The following PLEKHG1 variants were observed in gnomAD, a reference collection of about 807,000 sequenced individuals.
PLEKHG1 encodes pleckstrin homology and RhoGEF domain containing G1, also known as pleckstrin homology domain-containing family G member 1.
In PLEKHG1, 44 loss-of-function variants were observed where a neutral mutation model predicts 100.8. That is an observed-to-expected ratio of 0.44 (90% CI 0.34 to 0.56). The LOEUF (loss-of-function observed/expected upper bound fraction) is 0.56. PLEKHG1 is among the 20% of genes least tolerant of loss of function. The pLI, the probability that PLEKHG1 is intolerant of heterozygous loss-of-function variation, is 0.01. For missense variants in PLEKHG1, 1,545 were observed against 1,720.9 expected, an observed-to-expected ratio of 0.90 and a Z score of 1.81; for synonymous variants, 640 against 662.5, an observed-to-expected ratio of 0.97 and a Z score of 0.52.
intron 10 of PLEKHG1, among the ~76,000 whole-genome samples, chr6:150,813,169 G>A (rs939117463): frequency 5.5e-4 from 83 of 152,184 alleles, no homozygotes; most frequent in African/African-American, 1.9e-3. Context: ...GCTAGGCGTG[G>A]TGGCGGGTGC....
At chr6:150,761,780 A>G (rs533731873) in intron 2 of PLEKHG1, among the ~76,000 whole-genome samples, 1 of 152,296 alleles carries the variant, frequency 6.6e-6, no homozygotes, top group East Asian at 1.9e-4. Context: ...GCAAAGATGT[A>G]TTTCTCTTTC....
At chr6:150,778,229 G>A (rs1337796243) in intron 3 of PLEKHG1, among the ~76,000 whole-genome samples, 1 of 152,126 alleles carries the variant, frequency 6.6e-6, no homozygotes, top group Non-Finnish European at 1.5e-5. Context: ...CCAGGTTTAA[G>A]CAATCCTCCC....
chr6:150,633,592 G>A (rs970734127), intron 1 of PLEKHG1, among the ~76,000 whole-genome samples: 1 of 152,166 alleles, frequency 6.6e-6, no homozygotes, highest in African/African-American at 2.4e-5. Context: ...AAGATGCAGG[G>A]GCCTCTGACG....
intron 5 of PLEKHG1, among the ~76,000 whole-genome samples, chr6:150,799,105 G>A (rs1583154146): frequency 6.6e-6 from 1 of 152,060 alleles, no homozygotes; most frequent in Non-Finnish European, 1.5e-5. Flanking sequence ...TAGCAGAGAG[G>A]TACTCAAAAG....
At chr6:150,781,065 G>A (rs1785283286) in intron 3 of PLEKHG1, among the ~76,000 whole-genome samples, 1 of 151,618 alleles carries the variant, frequency 6.6e-6, no homozygotes, top group African/African-American at 2.4e-5. Flanking sequence ...AATAGAGAAG[G>A]GGTGTCACCC....
At chr6:150,810,687 G>A (rs1257650562) in intron 10 of PLEKHG1, among the ~76,000 whole-genome samples, 2 of 152,062 alleles carry the variant, frequency 1.3e-5, no homozygotes, top group Non-Finnish European at 2.9e-5. Flanking sequence ...TTGGGAGGCT[G>A]AGGTGGGCAG....
chr6:150,830,772 A>C, exon 15 of PLEKHG1: 1 of 1,614,114 alleles, frequency 6.2e-7, no homozygotes, highest in East Asian at 2.2e-5. Context: ...GAGAATGAGG[A>C]TGATGAAGAT....
At chr6:150,671,044 A>C (rs1779563741) in intron 3 of PLEKHG1, among the ~76,000 whole-genome samples, 1 of 151,620 alleles carries the variant, frequency 6.6e-6, no homozygotes. Context: ...GGTCACTGCA[A>C]ATGCTGTTAA....
At chr6:150,775,318 A>T (rs890256088) in intron 3 of PLEKHG1, among the ~76,000 whole-genome samples, 1 of 152,222 alleles carries the variant, frequency 6.6e-6, no homozygotes, top group Non-Finnish European at 1.5e-5. Flanking sequence ...TTTCTTTAAG[A>T]ATGAAGAGTG....
rs1364767224 is a variant in PLEKHG1, at chr6:150,628,580, C to CG, written c.-203-9499dup. ...CACACACACACACACACACACACCC[C>CG]GTCCTTGCCCTCCTGCACTGAACCC... On this transcript the variant is annotated intron_variant, in intron 1 of 3. Transcript: ENST00000367326. Among the ~76,000 whole-genome samples the CG allele has an allele frequency of 6.8e-4, 26 of 38,022 alleles. No homozygotes were observed. In the South Asian group the frequency reaches 0.025, roughly 36 times the overall value. The allele number at this position is 38,022 out of a possible 152,430, so 24.9% of individuals were successfully genotyped here.
chr6:150,780,919 G>A (rs927390213), intron 3 of PLEKHG1, among the ~76,000 whole-genome samples: 12 of 151,846 alleles, frequency 7.9e-5, no homozygotes, highest in African/African-American at 2.7e-4. Context: ...TGTCACCCAG[G>A]CTGGAGTGCA....
Position 150,835,392 on chromosome 6 carries a change from G to A in PLEKHG1, c.3094+3187G>A, listed in dbSNP as rs540657425. ...AATTTTATGCTTTTGTCTGCATCTC[G>A]AGCAACATCAGAAACATTTATTTTA... On this transcript the variant is annotated intron_variant, in intron 15 of 15. Coordinates refer to ENST00000358517, the Ensembl canonical transcript of PLEKHG1. 3.9e-5 allele frequency among the ~76,000 whole-genome samples: 6 copies of A among 152,148 alleles called. No homozygotes were observed. In the South Asian group the frequency reaches 8.3e-4, roughly 21 times the overall value.
exon 10 of PLEKHG1, chr6:150,809,686 C>G (rs1787372426): frequency 1.2e-6 from 2 of 1,613,742 alleles, no homozygotes; most frequent in African/African-American, 2.7e-5. Context: ...GGGTTCTGCA[C>G]CTAAAGAGAC....
chr6:150,818,916 C>G (rs1212101397), intron 11 of PLEKHG1, among the ~76,000 whole-genome samples: 1 of 152,186 alleles, frequency 6.6e-6, no homozygotes, highest in East Asian at 1.9e-4. Flanking sequence ...ATTCCCTTCC[C>G]TCCAGCCTGG....
intron 3 of PLEKHG1, among the ~76,000 whole-genome samples, chr6:150,681,473 C>T (rs1779929501): frequency 1.3e-5 from 2 of 150,256 alleles, no homozygotes; most frequent in South Asian, 2.1e-4. Context: ...GATTGTGCCA[C>T]TGCCTGGCGA....
chr6:150,723,997 G>A (rs1781831992), intron 1 of PLEKHG1, among the ~76,000 whole-genome samples: 1 of 152,236 alleles, frequency 6.6e-6, no homozygotes, highest in Non-Finnish European at 1.5e-5. Context: ...ATCCCTCTGT[G>A]TATCACTGCG....
At chr6:150,734,054 G>A (rs1782436555) in exon 2 of PLEKHG1, 11 of 1,613,864 alleles carry the variant, frequency 6.8e-6, no homozygotes, top group Admixed American at 1.7e-5. Context: ...TCTGGAAACC[G>A]AAAGGACTTA....
In PLEKHG1 at chr6:150,748,663, G is replaced by A. The variant is rs1443268454; in HGVS notation, c.411+14571G>A. 1.4e-5 allele frequency among the ~76,000 whole-genome samples: 2 copies of A among 138,542 alleles called. 1 individual carries two copies. The highest frequency in any genetic ancestry group is 4.3e-4 in the East Asian group (2 of 4,680). 90.9% of individuals were successfully genotyped at this position (138,542 alleles called of 152,430 possible). A position where few individuals can be genotyped will look rare whatever the true frequency, so the allele number is the denominator to read the frequency against. On this transcript the variant is annotated intron_variant, in intron 2 of 15. Transcript: ENST00000358517. ...AGACGGAGTCTTGCTCTGTCACCTA[G>A]GCTGGAGTGTGCAGTGCCACGATCA...
intron 5 of PLEKHG1, among the ~76,000 whole-genome samples, chr6:150,797,661 C>T (rs905818737): frequency 1.3e-5 from 2 of 151,438 alleles, no homozygotes; most frequent in East Asian, 3.9e-4. Context: ...ATGGCAAAAC[C>T]CCGTCTCTAC....
Sources: gnomAD v4.1 joint callset for allele counts (sites outside exome capture counted in the v4.1 genomes callset) on GRCh38, gnomAD v4.1.1 for gene constraint, MANE v1.5 for transcripts, NCBI Gene and HGNC (gene_info 2026-07-23, HGNC 2026-07-21) for gene names.